Variants in DAGLB observed in about 807,000 individuals in gnomAD.
DAGLB encodes the protein diacylglycerol lipase-beta.
Under a neutral mutation model 72.1 loss-of-function variants are expected in DAGLB, and 66 were observed. The ratio of observed to expected loss-of-function variants is 0.92; its 90% confidence interval spans 0.75 to 1.12. The LOEUF (loss-of-function observed/expected upper bound fraction) is 1.12. DAGLB is among the 50% of genes most tolerant of loss of function. The pLI is 0.00. For missense variants in DAGLB, 1,065 were observed against 884.9 expected, an observed-to-expected ratio of 1.20 and a Z score of -2.58; for synonymous variants, 414 against 359.5, an observed-to-expected ratio of 1.15 and a Z score of -1.71.
chr7:6,440,292 G>A (rs1042689317), intron 2 of DAGLB, among the ~76,000 whole-genome samples: 1 of 151,866 alleles, frequency 6.6e-6, no homozygotes, highest in African/African-American at 2.4e-5. Flanking sequence ...GCTGAGGCAG[G>A]AGAATCACTT....
chr7:6,413,617 G>A (rs1253806126), intron 11 of DAGLB, among the ~76,000 whole-genome samples: 18 of 149,762 alleles, frequency 1.2e-4, no homozygotes, highest in Non-Finnish European at 2.2e-4. Flanking sequence ...GCGACAGAGC[G>A]AGACTCCATC....
intron 6 of DAGLB, among the ~76,000 whole-genome samples, chr7:6,427,831 G>A (rs1784359549): frequency 6.6e-6 from 1 of 152,006 alleles, no homozygotes; most frequent in Admixed American, 6.6e-5. Flanking sequence ...AACATGATGG[G>A]GTCATATGAA....
intron 8 of DAGLB, among the ~76,000 whole-genome samples, chr7:6,423,324 G>C (rs1334697947): frequency 6.6e-6 from 1 of 152,148 alleles, no homozygotes; most frequent in African/African-American, 2.4e-5. Context: ...TAGAGGACTG[G>C]GGCCAAAAGC....
chr7:6,411,012 G>C (rs577254315), intron 13 of DAGLB, among the ~76,000 whole-genome samples: 77 of 151,398 alleles, frequency 5.1e-4, no homozygotes, highest in African/African-American at 1.9e-3. Context: ...AGCCACCAGA[G>C]TAGCTGGGAC....
At chr7:6,410,880 A>ATTTTTTTTT (rs35960882) in intron 13 of DAGLB, among the ~76,000 whole-genome samples, 83 of 98,148 alleles carry the variant, frequency 8.5e-4, no homozygotes, top group Non-Finnish European at 1.1e-3. Flanking sequence ...AATTTTTTGT[A>ATTTTTTTTT]TTTTTTTTTT....
intron 2 of DAGLB, 76 bp from the exon 3 acceptor site, chr7:6,436,609 C>T (rs2115285020): frequency 6.3e-7 from 1 of 1,581,848 alleles, no homozygotes; most frequent in Non-Finnish European, 8.6e-7. Context: ...AAAAATACAG[C>T]TTTTGCAGAG....
At chr7:6,419,594 G>A (rs2115252288) in intron 9 of DAGLB, among the ~76,000 whole-genome samples, 1 of 152,320 alleles carries the variant, frequency 6.6e-6, no homozygotes, top group East Asian at 1.9e-4. Flanking sequence ...CAGGCCCTGA[G>A]CGGCAGCCTT....
At position 6,447,627 on chromosome 7, in the gene DAGLB, G is replaced by A. The variant is rs564019339; in HGVS notation, c.95+121C>T. The A allele has an allele frequency of 6.6e-6, 9 of 1,357,458 alleles. No homozygotes were observed. In the East Asian group the frequency reaches 1.3e-4, roughly 20 times the overall value. The allele number at this position is 1,357,458 out of a possible 1,614,324, so 84.1% of individuals were successfully genotyped here. ...TGGTGAGAACTCGATAAGAGGATGC[G>A]TGGCCAGCGCTGGGACCGCGACAGT... On this transcript the variant is annotated intron_variant, in intron 1 of 14. Coordinates refer to ENST00000297056, the MANE Select transcript of DAGLB (RefSeq NM_139179.4).
Position 6,438,813 on chromosome 7 carries a change from C to T in DAGLB, c.248-2280G>A, listed in dbSNP as rs73342955. On this transcript the variant is annotated intron_variant, in intron 2 of 14. Transcript: ENST00000297056. ...GCTTGAGCCCAGGAGTTCGAGACCACGCTGGGGAACACAGAGAGACCTCAT... is the reference window on the plus strand; with the variant it reads ...GCTTGAGCCCAGGAGTTCGAGACCATGCTGGGGAACACAGAGAGACCTCAT... Among the ~76,000 whole-genome samples the T allele has an allele frequency of 3.0e-3, 453 of 152,170 alleles. 5 individuals carry two copies. The highest frequency in any genetic ancestry group is 0.011 in the African/African-American group (443 of 41,512).
intron 11 of DAGLB, among the ~76,000 whole-genome samples, chr7:6,415,844 CAAA>C (rs145952398): frequency 8.5e-5 from 7 of 82,018 alleles, no homozygotes; most frequent in Non-Finnish European, 1.0e-4. Context: ...GACTCCGTCT[CAAA>C]AAAAAAAAAA....
chr7:6,446,740 G>C (rs970294728), intron 1 of DAGLB, among the ~76,000 whole-genome samples: 3 of 151,860 alleles, frequency 2.0e-5, no homozygotes, highest in Admixed American at 1.3e-4. Context: ...CCGGCACGGC[G>C]GCTCACGTCT....
At chr7:6,422,383 G>A in intron 8 of DAGLB, 1 of 229,860 alleles carries the variant, frequency 4.4e-6, no homozygotes, top group Non-Finnish European at 8.9e-6. Context: ...CCTGGGCACG[G>A]CTCCACACCA....
intron 5 of DAGLB, among the ~76,000 whole-genome samples, chr7:6,431,043 T>C (rs1338434903): frequency 1.3e-5 from 2 of 152,152 alleles, no homozygotes; most frequent in Non-Finnish European, 2.9e-5. Flanking sequence ...CCCAAAGTGC[T>C]GGGAAGCCAG....
intron 3 of DAGLB, among the ~76,000 whole-genome samples, chr7:6,435,884 G>T (rs1164558679): frequency 2.0e-5 from 3 of 152,118 alleles, no homozygotes; most frequent in African/African-American, 7.2e-5. Flanking sequence ...GGGTGTTAAG[G>T]GGGCGGGACT....
At position 6,445,896 on chromosome 7, in the gene DAGLB, T is replaced by G. The variant is rs1784984169; in HGVS notation, c.247+57A>C. On this transcript the variant is annotated intron_variant, in intron 2 of 14. Coordinates refer to ENST00000297056, the MANE Select transcript of DAGLB (RefSeq NM_139179.4). The stretch of plus-strand genomic sequence containing the variant: ...GAAGTGAATTGTATGGTATGTGAAT[T>G]ATATCTCAATAAAGCTATAAAAAAA... 2.0e-6 allele frequency: 3 copies of G among 1,507,024 alleles called. No individual in the cohort carries two copies. The South Asian group carries it at 4.0e-5, about 20-fold the overall frequency. 93.4% of individuals were successfully genotyped at this position (1,507,024 alleles called of 1,614,324 possible).
At position 6,416,005 on chromosome 7, in the gene DAGLB, C is replaced by A. The variant is rs537782592; in HGVS notation, c.1427+622G>T. 4.6e-5 allele frequency among the ~76,000 whole-genome samples: 7 copies of A among 151,646 alleles called. 1 individual carries two copies. The highest frequency in any genetic ancestry group is 1.7e-4 in the African/African-American group (7 of 41,352). On this transcript the variant is annotated intron_variant, in intron 11 of 14. Transcript: ENST00000297056. ...ATGTGCCTACCAGGCGCATGGATGT[C>A]AACAACCGGACCCCTCTGCCAGGGC...
chr7:6,430,395 T>A, intron 6 of DAGLB, 85 bp downstream of exon 6: 1 of 1,386,056 alleles, frequency 7.2e-7, no homozygotes, highest in Non-Finnish European at 9.4e-7. Flanking sequence ...CTTTGCACTG[T>A]TCTTTCAAAT....
At chr7:6,430,876 A>C (rs1334891964) in intron 5 of DAGLB, among the ~76,000 whole-genome samples, 2 of 151,946 alleles carry the variant, frequency 1.3e-5, no homozygotes, top group Non-Finnish European at 2.9e-5. Flanking sequence ...CCCAGGTTCA[A>C]GCAATTCCCC....
rs141385020 is a variant in DAGLB, at chr7:6,425,087, C to T, written c.1057-252G>A. On this transcript the variant is annotated intron_variant, in intron 7 of 14. Transcript: ENST00000297056. ...CCTCTCTCTGACCTCCCCAGAGATT[C>T]GGATTGAACTGGCCCAGGGTGCGGC... 1.2e-4 allele frequency among the ~76,000 whole-genome samples: 18 copies of T among 152,342 alleles called. No homozygotes were observed. In the East Asian group the frequency reaches 2.5e-3, roughly 21 times the overall value.
Sources: allele counts gnomAD v4.1 joint callset (sites outside exome capture counted in the v4.1 genomes callset), GRCh38; gene constraint gnomAD v4.1.1; transcripts MANE v1.5; gene names NCBI Gene and HGNC (gene_info 2026-07-23, HGNC 2026-07-21).